Variants in POM121C observed in about 807,000 individuals in gnomAD.
POM121C encodes nuclear envelope pore membrane protein POM 121C.
Under a neutral mutation model 66.4 loss-of-function variants are expected in POM121C, and 20 were observed. The observed-to-expected ratio is 0.30, with a 90% CI of 0.21 to 0.44. The LOEUF (loss-of-function observed/expected upper bound fraction) is 0.44. Among genes scored for constraint, POM121C ranks in the 20% least tolerant of loss-of-function variants. POM121C has a pLI of 1.00. For missense variants in POM121C, 580 were observed against 1,225.7 expected, an observed-to-expected ratio of 0.47 and a Z score of 7.87; for synonymous variants, 286 against 528.0, an observed-to-expected ratio of 0.54 and a Z score of 6.28.
At chr7:75,436,059 A>G (rs1188373422) in intron 7 of POM121C, among the ~76,000 whole-genome samples, 5 of 152,104 alleles carry the variant, frequency 3.3e-5, no homozygotes, top group Non-Finnish European at 7.4e-5. Flanking sequence ...TCAAAAAAAA[A>G]AAAAGAAATT....
intron 3 of POM121C, among the ~76,000 whole-genome samples, chr7:75,473,296 C>A (rs182214354): frequency 1.8e-3 from 278 of 152,024 alleles, no homozygotes; most frequent in African/African-American, 6.1e-3. Context: ...TAGATAAACT[C>A]TTTTACGGGA....
rs1305321574 is a variant in POM121C at position 75,424,575 on chromosome 7, C to T, written c.822G>A (p.Glu274=). ...YSITAEDLDL[E]KKASLQWFNQ... ...TGAACCACTGTAATGAAGCCTTCTT[C>T]TCTAAGTCTAGGTCCTCGGCAGTGA... The change falls in exon 11 of 15, where the codon GAG becomes GAA. Residue 274 remains glutamate (E), a synonymous_variant. Coordinates refer to ENST00000615331, the MANE Select transcript of POM121C (RefSeq NM_001099415.3). The T allele has an allele frequency of 6.2e-7, 1 of 1,613,904 alleles. No individual in the cohort carries two copies. Among genetic ancestry groups the T allele is most frequent in the African/African-American group, 1.3e-5 (1 of 74,930 alleles).
At chr7:75,431,677 G>A (rs56408279) in intron 7 of POM121C, among the ~76,000 whole-genome samples, 11,194 of 150,578 alleles carry the variant, frequency 0.074, 1,375 homozygotes, top group African/African-American at 0.26. Context: ...GCAGCTGGGC[G>A]CAGTGGCTCA....
chr7:75,442,629 G>T (rs1366450357), intron 3 of POM121C: 63 of 1,485,774 alleles, frequency 4.2e-5, no homozygotes, highest in Non-Finnish European at 4.1e-5. Context: ...GCCCCGGCCG[G>T]CCCGCCGCAG....
chr7:75,469,085 CT>C (rs1791779749), intron 3 of POM121C, among the ~76,000 whole-genome samples: 1 of 151,756 alleles, frequency 6.6e-6, no homozygotes, highest in Non-Finnish European at 1.5e-5. Context: ...ATCTGCAAAT[CT>C]TTTGGGTCTA....
At chr7:75,437,713 C>T in intron 6 of POM121C, 27 bp from the exon 7 acceptor site, 1 of 1,556,560 alleles carries the variant, frequency 6.4e-7, no homozygotes, top group Non-Finnish European at 8.7e-7. Flanking sequence ...CAGTTAGATG[C>T]TTTATTGAAG....
At chr7:75,451,084 G>A (rs1554475504) in intron 3 of POM121C, among the ~76,000 whole-genome samples, 3 of 152,158 alleles carry the variant, frequency 2.0e-5, no homozygotes, top group Non-Finnish European at 2.9e-5. Context: ...AATCAGTATT[G>A]TGAAAATGGC....
At chr7:75,419,871 C>G (rs1554470373) in intron 13 of POM121C, 1 of 169,328 alleles carries the variant, frequency 5.9e-6, no homozygotes, top group African/African-American at 2.4e-5. Flanking sequence ...TGGTCCCCTC[C>G]CTTCCCCGGC....
chr7:75,478,657 C>T (rs1792184384), intron 1 of POM121C, among the ~76,000 whole-genome samples: 2 of 150,988 alleles, frequency 1.3e-5, no homozygotes, highest in Admixed American at 1.3e-4. Flanking sequence ...AAAAGATGAA[C>T]AGCATCATGG....
At chr7:75,425,448 C>A in intron 9 of POM121C, 187 bp downstream of exon 9, 1 of 1,386,190 alleles carries the variant, frequency 7.2e-7, no homozygotes. Flanking sequence ...TCGTTAGCCC[C>A]CATCTGTAGC....
rs1554473489 is a variant in POM121C at position 75,439,218 on chromosome 7, A to G, written c.234T>C (p.His78=). The change falls in exon 6 of 15, where the codon CAT becomes CAC. Residue 78 remains histidine (H), a synonymous_variant. Transcript: ENST00000615331. ...CTGAATGTCCACTGCCACTGCTATC[A>G]TGGCGCCTGCGACAAATCAAAAAAG... ...LDGQENKRRR[H]DSSGSGHSAF... 6.2e-7 allele frequency: 1 copy of G among 1,614,230 alleles called. No individual in the cohort carries two copies. Among genetic ancestry groups the G allele is most frequent in the South Asian group, 1.1e-5 (1 of 91,088 alleles).
intron 3 of POM121C, among the ~76,000 whole-genome samples, chr7:75,463,809 C>T (rs587690499): frequency 7.6e-4 from 115 of 152,218 alleles, no homozygotes; most frequent in African/African-American, 2.7e-3. Flanking sequence ...TCCCCTGCCT[C>T]AACCTCCTGA....
chr7:75,429,739 A>G (rs1397169421), intron 7 of POM121C, among the ~76,000 whole-genome samples: 4 of 152,208 alleles, frequency 2.6e-5, no homozygotes, highest in Admixed American at 2.6e-4. Context: ...GAGGTGGGAC[A>G]TGGTGGTTCA....
At chr7:75,446,925 G>A (rs2527939) in intron 3 of POM121C, among the ~76,000 whole-genome samples, 1,886 of 142,328 alleles carry the variant, frequency 0.013, 21 homozygotes, top group Non-Finnish European at 0.016. Flanking sequence ...AGAGAATGGC[G>A]TGAACCCGGG....
At chr7:75,433,234 CAAAAAAAAAAA>C (rs782004307) in intron 7 of POM121C, among the ~76,000 whole-genome samples, 3 of 44,254 alleles carry the variant, frequency 6.8e-5, no homozygotes, top group East Asian at 6.3e-4. Flanking sequence ...GACTCTGTCT[CAAAAAAAAAAA>C]AAAAAAAAAA....
At position 75,440,945 on chromosome 7, in the gene POM121C, G is replaced by C. The variant is rs374924417; in HGVS notation, c.227+9C>G. 1.2e-5 allele frequency: 20 copies of C among 1,613,812 alleles called. No individual in the cohort carries two copies. Among genetic ancestry groups the C allele is most frequent in the Non-Finnish European group, 1.7e-5 (20 of 1,179,858 alleles). ...GGAAACTGGCTTAGTACTCTCCTGA[G>C]CCTGTTACCTTCTTTTATTTTCCTG... On this transcript the variant is annotated intron_variant, in intron 5 of 14. Transcript: ENST00000615331.
intron 10 of POM121C, 82 bp downstream of exon 10, chr7:75,424,992 A>C (rs112936009): frequency 0.78 from 1,198,405 of 1,540,124 alleles, 468,996 homozygotes; most frequent in East Asian, 0.97. Context: ...AGAAAAAAAA[A>C]CAGAAGAAAC....
intron 3 of POM121C, among the ~76,000 whole-genome samples, chr7:75,449,541 A>AT (rs1436125367): frequency 6.6e-6 from 1 of 151,656 alleles, no homozygotes; most frequent in Non-Finnish European, 1.5e-5. Flanking sequence ...ATTTTTTTGT[A>AT]TTTTTTAATA....
At chr7:75,430,394 G>A (rs1554472194) in intron 7 of POM121C, among the ~76,000 whole-genome samples, 1 of 152,192 alleles carries the variant, frequency 6.6e-6, no homozygotes, top group African/African-American at 2.4e-5. Flanking sequence ...AGGCAGTGCT[G>A]CAGAGAAATA....
Sources: gnomAD v4.1 joint callset for allele counts (sites outside exome capture counted in the v4.1 genomes callset) on GRCh38, gnomAD v4.1.1 for gene constraint, MANE v1.5 for transcripts, NCBI Gene and HGNC (gene_info 2026-07-23, HGNC 2026-07-21) for gene names.